The following TPRG1 variants were observed in gnomAD, a reference collection of about 807,000 sequenced individuals.
TPRG1 encodes tumor protein p63-regulated gene 1 protein.
Under a neutral mutation model 29.3 loss-of-function variants are expected in TPRG1, and 29 were observed. The ratio of observed to expected loss-of-function variants is 0.99; its 90% CI spans 0.74 to 1.35. The LOEUF (loss-of-function observed/expected upper bound fraction) is 1.35, where lower values mean the gene tolerates loss of function less well. Among genes scored for constraint, TPRG1 ranks in the 40% most tolerant of loss-of-function variants. TPRG1 has a pLI of 0.00. For missense variants in TPRG1, 327 were observed against 335.0 expected (o/e 0.98, Z 0.19); for synonymous variants, 130 against 116.8 (o/e 1.11, Z -0.73).
At chr3:189,064,908 G>T (rs916298358) in intron 4 of TPRG1, among the ~76,000 whole-genome samples, 9 of 152,204 alleles carry the variant, frequency 5.9e-5, no homozygotes, top group African/African-American at 1.9e-4. Flanking sequence ...AAATCTCAAG[G>T]TTGGCCACAG....
intron 4 of TPRG1, among the ~76,000 whole-genome samples, chr3:189,065,133 T>C (rs1432226927): frequency 1.3e-5 from 2 of 152,076 alleles, no homozygotes; most frequent in Non-Finnish European, 2.9e-5. Flanking sequence ...GCTAAAATTA[T>C]GCTAGTACAC....
upstream of TPRG1, chr3:189,100,042 G>A (rs1719001260): frequency 2.6e-5 from 4 of 152,254 alleles, no homozygotes; most frequent in African/African-American, 4.8e-5. Flanking sequence ...CAAGACGAGA[G>A]GACTGAAAGA....
chr3:189,245,007 A>C (rs1174000362), intron 4 of TPRG1, among the ~76,000 whole-genome samples: 1 of 151,940 alleles, frequency 6.6e-6, no homozygotes, highest in African/African-American at 2.4e-5. Flanking sequence ...CGCAGCCTCC[A>C]CCTCCGGAGT....
chr3:189,033,230 A>C (rs115323862), intron 4 of TPRG1, among the ~76,000 whole-genome samples: 15 of 152,240 alleles, frequency 9.9e-5, no homozygotes, highest in African/African-American at 3.4e-4. Flanking sequence ...TACTACAGAA[A>C]AAAAGGAGAT....
chr3:189,135,487 C>T (rs1723634542), intron 3 of TPRG1, among the ~76,000 whole-genome samples: 1 of 152,220 alleles, frequency 6.6e-6, no homozygotes. Flanking sequence ...TCCTCTTACA[C>T]CCAGTCTTCT....
At chr3:189,098,897 A>T, upstream of TPRG1, among the ~76,000 whole-genome samples, 1 of 152,108 alleles carries the variant, frequency 6.6e-6, no homozygotes, top group East Asian at 1.9e-4. Flanking sequence ...AACCCTTGTC[A>T]CCCTGCAGTG....
At chr3:189,130,665 C>CATTTATATATTCTGGCAGAAT (rs1723010074) in intron 2 of TPRG1, among the ~76,000 whole-genome samples, 1 of 152,116 alleles carries the variant, frequency 6.6e-6, no homozygotes, top group East Asian at 1.9e-4. Context: ...ATCAAGCAAC[C>CATTTATATATTCTGGCAGAAT]ATTTATATAT....
intron 1 of TPRG1, among the ~76,000 whole-genome samples, chr3:189,182,292 A>G (rs1433785355): frequency 1.3e-5 from 2 of 152,230 alleles, no homozygotes; most frequent in Non-Finnish European, 2.9e-5. Context: ...AGTATCTGCA[A>G]TGAAGAACTC....
intron 3 of TPRG1, among the ~76,000 whole-genome samples, chr3:189,014,728 C>T (rs1434885600): frequency 2.0e-5 from 3 of 152,086 alleles, no homozygotes; most frequent in African/African-American, 7.2e-5. Flanking sequence ...CCTGCTCCAC[C>T]AGGGGAAGAT....
intron 4 of TPRG1, among the ~76,000 whole-genome samples, chr3:189,291,617 G>T (rs1419086256): frequency 1.1e-4 from 16 of 152,124 alleles, no homozygotes; most frequent in Admixed American, 1.0e-3. Context: ...TGATTTAGGG[G>T]ACTAAAGAAG....
chr3:189,026,782 C>T (rs1402731024), intron 4 of TPRG1, among the ~76,000 whole-genome samples: 4 of 152,002 alleles, frequency 2.6e-5, no homozygotes, highest in Admixed American at 6.6e-5. Flanking sequence ...TAACATGGAA[C>T]GAAGCTGTGC....
At chr3:189,013,898 T>C (rs544742673) in intron 3 of TPRG1, among the ~76,000 whole-genome samples, 1 of 152,226 alleles carries the variant, frequency 6.6e-6, no homozygotes, top group East Asian at 1.9e-4. Context: ...TGTGATGTTC[T>C]TACCTGTGAA....
chr3:189,143,337 G>A (rs922012038), intron 3 of TPRG1, among the ~76,000 whole-genome samples: 6 of 152,204 alleles, frequency 3.9e-5, no homozygotes, highest in African/African-American at 1.4e-4. Flanking sequence ...CTTCAAGGTT[G>A]ACAATGAGGA....
intron 1 of TPRG1, among the ~76,000 whole-genome samples, chr3:189,000,294 T>G (rs1711963916): frequency 6.6e-6 from 1 of 152,142 alleles, no homozygotes; most frequent in Admixed American, 6.6e-5. Flanking sequence ...CTATATTGCA[T>G]TTGTCTTCAT....
intron 1 of TPRG1, among the ~76,000 whole-genome samples, chr3:189,188,066 A>G (rs1415408545): frequency 3.4e-4 from 51 of 152,236 alleles, no homozygotes; most frequent in Non-Finnish European, 2.9e-5. Flanking sequence ...AACTGAAAAC[A>G]AGCAAGAATT....
At chr3:189,207,155 C>A (rs1257650549) in intron 1 of TPRG1, 16 of 984,514 alleles carry the variant, frequency 1.6e-5, no homozygotes, top group African/African-American at 1.7e-5. Flanking sequence ...TCCGGAGAGT[C>A]TCTCCTTCAC....
chr3:189,212,935 G>T (rs1735499729), intron 2 of TPRG1, among the ~76,000 whole-genome samples: 1 of 152,186 alleles, frequency 6.6e-6, no homozygotes, highest in South Asian at 2.1e-4. Flanking sequence ...CAGTAGGTTT[G>T]CTTTGACTAA....
chr3:189,167,815 A>G (rs1475239087), upstream of TPRG1, among the ~76,000 whole-genome samples: 2 of 152,178 alleles, frequency 1.3e-5, no homozygotes, highest in Non-Finnish European at 2.9e-5. Context: ...ATTGGTATCC[A>G]GAGAGTCTCG....
intron 5 of TPRG1, among the ~76,000 whole-genome samples, chr3:189,316,657 C>T (rs892694603): frequency 2.6e-5 from 4 of 152,116 alleles, no homozygotes; most frequent in Admixed American, 6.6e-5. Context: ...TACGATGTCC[C>T]CCCTGTCCCC....
Sources: allele counts gnomAD v4.1 joint callset (sites outside exome capture counted in the v4.1 genomes callset), GRCh38; gene constraint gnomAD v4.1.1; transcripts MANE v1.5; gene names NCBI Gene and HGNC (gene_info 2026-07-23, HGNC 2026-07-21).